HERC1: variants seen among roughly 807,000 people sequenced by gnomAD.
HERC1 encodes the protein probable E3 ubiquitin-protein ligase HERC1.
Under a neutral mutation model 554.3 loss-of-function variants are expected in HERC1, and 160 were observed. That is an observed-to-expected ratio of 0.29 (90% CI 0.25 to 0.33). The LOEUF is 0.33. Among genes scored for constraint, HERC1 ranks in the 10% least tolerant of loss-of-function variants. HERC1 has a pLI of 1.00. For missense variants in HERC1, 4,919 were observed against 5,918.5 expected, an observed-to-expected ratio of 0.83 and a Z score of 5.54; for synonymous variants, 2,175 against 2,131.7, an observed-to-expected ratio of 1.02 and a Z score of -0.56.
intron 21 of HERC1, among the ~76,000 whole-genome samples, chr15:63,717,232 T>G (rs1451080860): frequency 6.6e-6 from 1 of 152,200 alleles, no homozygotes; most frequent in African/African-American, 2.4e-5. Flanking sequence ...TATCCCCATA[T>G]ATGAGTTTCA....
chr15:63,803,130 A>G (rs1364673574), intron 1 of HERC1, among the ~76,000 whole-genome samples: 1 of 152,222 alleles, frequency 6.6e-6, no homozygotes, highest in African/African-American at 2.4e-5. Context: ...GCTTAAGCCT[A>G]CGAGGCTGCA....
At chr15:63,785,638 C>T (rs987075420) in intron 1 of HERC1, among the ~76,000 whole-genome samples, 1 of 151,780 alleles carries the variant, frequency 6.6e-6, no homozygotes, top group East Asian at 1.9e-4. Flanking sequence ...GGAATGGTGG[C>T]GCATGATGTG....
intron 1 of HERC1, among the ~76,000 whole-genome samples, chr15:63,818,265 A>G (rs763026684): frequency 1.4e-4 from 22 of 152,202 alleles, no homozygotes; most frequent in Non-Finnish European, 2.9e-4. Context: ...CTATGGGCCT[A>G]TGGTACTTCT....
At chr15:63,831,024 G>A (rs144973995) in intron 1 of HERC1, among the ~76,000 whole-genome samples, 2 of 152,316 alleles carry the variant, frequency 1.3e-5, no homozygotes, top group East Asian at 3.9e-4. Context: ...TCAACATCAT[G>A]ATAATCTGCA....
intron 3 of HERC1, among the ~76,000 whole-genome samples, chr15:63,762,319 A>ATTATTTAT (rs779195461): frequency 6.6e-6 from 1 of 151,924 alleles, no homozygotes; most frequent in African/African-American, 2.4e-5. Flanking sequence ...GTTCATAATG[A>ATTATTTAT]TTATTTATTT....
chr15:63,789,494 C>A (rs1231986770), intron 1 of HERC1, among the ~76,000 whole-genome samples: 1 of 152,014 alleles, frequency 6.6e-6, no homozygotes, highest in Non-Finnish European at 1.5e-5. Flanking sequence ...CTTGTCACCA[C>A]TATTATCAAT....
intron 73 of HERC1, 45 bp from the exon 74 acceptor site, chr15:63,622,936 G>A: frequency 1.6e-6 from 2 of 1,239,142 alleles, no homozygotes; most frequent in South Asian, 2.7e-5. Flanking sequence ...ACAATCAAAT[G>A]CATGAAGAGA....
intron 26 of HERC1, among the ~76,000 whole-genome samples, chr15:63,698,019 C>T (rs531689349): frequency 6.6e-6 from 1 of 152,288 alleles, no homozygotes; most frequent in South Asian, 2.1e-4. Context: ...GTTTTGCTCA[C>T]TCATTTTAGC....
intron 3 of HERC1, among the ~76,000 whole-genome samples, chr15:63,760,478 C>T (rs1256799009): frequency 7.4e-6 from 1 of 134,908 alleles, no homozygotes; most frequent in African/African-American, 2.6e-5. Flanking sequence ...AAACAGAAAT[C>T]TGAATTACAA....
chr15:63,662,033 G>C lies in HERC1; in HGVS notation c.8902-12C>G. ...GACTCACAAACATGCTGCACAAAAGGATTTCATACCAAATGATTAGTCAAT... is the reference window on the plus strand; with the variant it reads ...GACTCACAAACATGCTGCACAAAAGCATTTCATACCAAATGATTAGTCAAT... On this transcript the variant is annotated splice_polypyrimidine_tract_variant and intron_variant, in intron 44 of 77. Transcript: ENST00000443617. 1 of 1,601,494 alleles carries C rather than the reference G, an allele frequency of 6.2e-7. No individual in the cohort carries two copies.
At position 63,727,545 on chromosome 15, in the gene HERC1, A is replaced by C. The variant is rs2074090031; in HGVS notation, c.3346+102T>G. The C allele has an allele frequency of 1.5e-6, 1 of 683,570 alleles. No individual in the cohort carries two copies. Among genetic ancestry groups the C allele is most frequent in the South Asian group, 3.4e-5 (1 of 29,072 alleles). 42.3% of individuals were successfully genotyped at this position (683,570 alleles called of 1,614,324 possible). A position where few individuals can be genotyped will look rare whatever the true frequency, so the allele number is the denominator to read the frequency against. On this transcript the variant is annotated intron_variant, in intron 17 of 77. Coordinates refer to ENST00000443617, the MANE Select transcript of HERC1 (RefSeq NM_003922.4). This position sits in a 1 kb window ranked among gnomAD's most constrained non-coding sequence, Gnocchi z 4.3. ...ATTTCAGTGATGAAATTCCTTTGAT[A>C]GCCTTAGGATAGATAGACTCCAATG...
At chr15:63,746,536 T>C (rs2075061206) in intron 12 of HERC1, among the ~76,000 whole-genome samples, 1 of 152,244 alleles carries the variant, frequency 6.6e-6, no homozygotes, top group African/African-American at 2.4e-5. Flanking sequence ...GTTACAGTTC[T>C]AGTAGATGAT....
chr15:63,800,943 G>C (rs117760756), intron 1 of HERC1, among the ~76,000 whole-genome samples: 1 of 152,262 alleles, frequency 6.6e-6, no homozygotes, highest in East Asian at 1.9e-4. Context: ...TCAAGGGAGA[G>C]GAAAAGGGGT....
chr15:63,622,238 C>CA (rs2068110349), intron 74 of HERC1, among the ~76,000 whole-genome samples: 2 of 151,502 alleles, frequency 1.3e-5, no homozygotes, highest in Non-Finnish European at 2.9e-5. Flanking sequence ...AATCAGGTTT[C>CA]ATGATTAAGT....
chr15:63,644,156 T>TCC (rs540324649), intron 57 of HERC1, among the ~76,000 whole-genome samples: 50 of 152,286 alleles, frequency 3.3e-4, no homozygotes, highest in African/African-American at 1.2e-3. Context: ...CCACCCTTTC[T>TCC]CCCCATCCTT....
At chr15:63,760,383 G>C (rs965979221) in intron 3 of HERC1, among the ~76,000 whole-genome samples, 1 of 141,168 alleles carries the variant, frequency 7.1e-6, no homozygotes, top group Non-Finnish European at 1.5e-5. Flanking sequence ...TAAAGTTGCA[G>C]TGAGCCAAGA....
At chr15:63,650,726 T>C (rs947011591) in intron 53 of HERC1, among the ~76,000 whole-genome samples, 3 of 152,228 alleles carry the variant, frequency 2.0e-5, no homozygotes, top group Non-Finnish European at 2.9e-5. Context: ...AGAAACTTAC[T>C]TGCAGTTAAG....
At chr15:63,711,352 A>G (rs1312706993) in intron 24 of HERC1, among the ~76,000 whole-genome samples, 1 of 152,170 alleles carries the variant, frequency 6.6e-6, no homozygotes, top group African/African-American at 2.4e-5. Context: ...AGGAGACTAG[A>G]TAATGAGTCA....
chr15:63,772,122 C>CA (rs34321094), intron 2 of HERC1, among the ~76,000 whole-genome samples: 86 of 129,596 alleles, frequency 6.6e-4, no homozygotes, highest in African/African-American at 1.5e-3. Flanking sequence ...AACTCCATCT[C>CA]AAAAAAAAAA....
Sources: allele counts gnomAD v4.1 joint callset (sites outside exome capture counted in the v4.1 genomes callset), GRCh38; gene constraint gnomAD v4.1.1; non-coding constraint Gnocchi (gnomAD v3.1); transcripts MANE v1.5; gene names NCBI Gene and HGNC (gene_info 2026-07-23, HGNC 2026-07-21).